The following SLC39A11 variants were observed in gnomAD, a reference collection of about 807,000 sequenced individuals.
SLC39A11 encodes zinc transporter ZIP11.
Under a neutral mutation model 36.1 loss-of-function variants are expected in SLC39A11, and 33 were observed. The ratio of observed to expected loss-of-function variants is 0.91; its 90% confidence interval spans 0.69 to 1.22. The LOEUF (loss-of-function observed/expected upper bound fraction) is 1.22. Ranked by LOEUF, SLC39A11 falls within the 50% of genes most tolerant of loss-of-function variation. The pLI, the probability that SLC39A11 is intolerant of heterozygous loss-of-function variation, is 0.00. For missense variants in SLC39A11, 432 were observed against 430.3 expected, an observed-to-expected ratio of 1.00 and a Z score of -0.03; for synonymous variants, 166 against 170.3, an observed-to-expected ratio of 0.97 and a Z score of 0.20.
chr17:72,898,847 C>A (rs937851887), intron 5 of SLC39A11, among the ~76,000 whole-genome samples: 1 of 152,206 alleles, frequency 6.6e-6, no homozygotes, highest in African/African-American at 2.4e-5. Context: ...CTTCAGAACC[C>A]TCACTCTTTC....
At position 72,648,695 on chromosome 17, in the gene SLC39A11, G is replaced by C. The variant is rs953145356; in HGVS notation, c.929+108C>G. 4.9e-5 allele frequency: 66 copies of C among 1,337,286 alleles called. No individual in the cohort carries two copies. In the Admixed American group the frequency reaches 9.4e-4, roughly 19 times the overall value. 82.8% of individuals were successfully genotyped at this position (1,337,286 alleles called of 1,614,324 possible). ...GATGATCTTGGGAAGGGGCAGAGAGGGGGAGGGAATAAGGAAAGGAAAGGC... is the reference window on the plus strand; with the variant it reads ...GATGATCTTGGGAAGGGGCAGAGAGCGGGAGGGAATAAGGAAAGGAAAGGC... On this transcript the variant is annotated intron_variant, in intron 9 of 9. Coordinates refer to ENST00000255559, the MANE Select transcript of SLC39A11 (RefSeq NM_139177.4).
chr17:72,833,542 A>G (rs2078378412), intron 6 of SLC39A11, among the ~76,000 whole-genome samples: 1 of 152,232 alleles, frequency 6.6e-6, no homozygotes, highest in Admixed American at 6.5e-5. Context: ...TGGCTCTAGC[A>G]GAAAGCTGAC....
At chr17:72,798,035 T>C (rs1003843882) in intron 6 of SLC39A11, among the ~76,000 whole-genome samples, 3 of 152,048 alleles carry the variant, frequency 2.0e-5, no homozygotes, top group Non-Finnish European at 2.9e-5. Flanking sequence ...TGAGTGCAGA[T>C]GTTGGAAGGA....
At chr17:72,871,948 C>G (rs993264744) in intron 5 of SLC39A11, among the ~76,000 whole-genome samples, 23 of 152,130 alleles carry the variant, frequency 1.5e-4, no homozygotes, top group Admixed American at 6.5e-4. Flanking sequence ...TCCAGGTACA[C>G]AGTGGCAGAA....
intron 2 of SLC39A11, 148 bp from the exon 3 acceptor site, chr17:73,084,994 G>C (rs1379481531): frequency 1.3e-6 from 1 of 766,908 alleles, no homozygotes; most frequent in African/African-American, 1.8e-5. Context: ...TATACCATGG[G>C]CCAAGAACCA....
At chr17:72,659,815 G>C (rs866568391) in intron 7 of SLC39A11, among the ~76,000 whole-genome samples, 1 of 151,868 alleles carries the variant, frequency 6.6e-6, no homozygotes, top group African/African-American at 2.4e-5. Flanking sequence ...TGGCCAGGCT[G>C]GTCTCAAACT....
At chr17:72,959,192 T>C (rs1339130855) in intron 4 of SLC39A11, among the ~76,000 whole-genome samples, 2 of 151,628 alleles carry the variant, frequency 1.3e-5, no homozygotes, top group Non-Finnish European at 2.9e-5. Flanking sequence ...AAAGAGGTCA[T>C]CACATGAAAA....
chr17:72,974,634 G>C (rs2087714931), intron 4 of SLC39A11, among the ~76,000 whole-genome samples: 2 of 152,192 alleles, frequency 1.3e-5, no homozygotes, highest in South Asian at 4.1e-4. Context: ...TAAGGCCAAT[G>C]TATTATTGTA....
At chr17:73,082,094 T>TC (rs1366176965) in intron 3 of SLC39A11, among the ~76,000 whole-genome samples, 111 of 108,602 alleles carry the variant, frequency 1.0e-3, no homozygotes, top group African/African-American at 3.8e-3. Flanking sequence ...CATCACCTGT[T>TC]CCCCCCAAAA....
At chr17:72,786,482 A>C (rs1568090542) in intron 6 of SLC39A11, among the ~76,000 whole-genome samples, 1 of 152,168 alleles carries the variant, frequency 6.6e-6, no homozygotes, top group East Asian at 1.9e-4. Flanking sequence ...TCAAGATAGG[A>C]AAGTAGTCCT....
At chr17:73,084,894 A>G in intron 2 of SLC39A11, 48 bp from the exon 3 acceptor site, 1 of 1,596,288 alleles carries the variant, frequency 6.3e-7, no homozygotes, top group Non-Finnish European at 8.6e-7. Context: ...CAATAAGATG[A>G]TGTTTCCTGG....
chr17:72,773,202 C>T (rs1207223400), intron 6 of SLC39A11, among the ~76,000 whole-genome samples: 7 of 152,192 alleles, frequency 4.6e-5, no homozygotes. Flanking sequence ...AAATTGACTT[C>T]CAGAGAGGCA....
At chr17:73,091,198 C>T (rs4969062) in intron 1 of SLC39A11, among the ~76,000 whole-genome samples, 1,635 of 152,214 alleles carry the variant, frequency 0.011, 59 homozygotes, top group Admixed American at 0.053. Flanking sequence ...GAGGCCAAGA[C>T]GGGCAGATCA....
chr17:72,959,137 A>G (rs2086433367), intron 4 of SLC39A11, among the ~76,000 whole-genome samples: 1 of 151,566 alleles, frequency 6.6e-6, no homozygotes, highest in South Asian at 2.1e-4. Context: ...AAGTACAAAT[A>G]CCATTTGATC....
At chr17:72,721,805 A>G (rs2073690902) in intron 7 of SLC39A11, among the ~76,000 whole-genome samples, 1 of 152,014 alleles carries the variant, frequency 6.6e-6, no homozygotes, top group Non-Finnish European at 1.5e-5. Context: ...CCCCATCTCT[A>G]CTAAAAATAC....
chr17:72,802,590 C>CAAAA (rs56050103), intron 6 of SLC39A11, among the ~76,000 whole-genome samples: 1 of 112,766 alleles, frequency 8.9e-6, no homozygotes, highest in African/African-American at 4.0e-5. Context: ...AACTCCATCT[C>CAAAA]AAAAAAAAAA....
At chr17:72,933,664 C>T (rs982039071) in intron 5 of SLC39A11, among the ~76,000 whole-genome samples, 14 of 152,068 alleles carry the variant, frequency 9.2e-5, no homozygotes, top group African/African-American at 2.9e-4. Flanking sequence ...GGATTACAGG[C>T]GCGCACCACC....
chr17:72,721,631 G>C (rs2143593699), intron 7 of SLC39A11, among the ~76,000 whole-genome samples: 2 of 152,010 alleles, frequency 1.3e-5, no homozygotes, highest in South Asian at 4.1e-4. Flanking sequence ...CCCTGAGAAA[G>C]GCCCTTGTCA....
intron 6 of SLC39A11, among the ~76,000 whole-genome samples, chr17:72,831,040 T>C (rs1320584894): frequency 6.6e-6 from 1 of 151,974 alleles, no homozygotes; most frequent in Non-Finnish European, 1.5e-5. Flanking sequence ...TGGAGGAAAG[T>C]GTTTGATTAA....
Sources: allele counts gnomAD v4.1 joint callset (sites outside exome capture counted in the v4.1 genomes callset), GRCh38; gene constraint gnomAD v4.1.1; transcripts MANE v1.5; gene names NCBI Gene and HGNC (gene_info 2026-07-23, HGNC 2026-07-21).